The following APLF variants were observed in gnomAD, a reference collection of about 807,000 sequenced individuals.
APLF encodes the protein aprataxin and PNKP like factor, also known as aprataxin and PNK-like factor.
A neutral mutation model predicts 55.6 loss-of-function variants in APLF; 61 were observed. The ratio of observed to expected loss-of-function variants is 1.10; its 90% confidence interval spans 0.89 to 1.36. APLF has a LOEUF of 1.36. Ranked by LOEUF, APLF falls within the 40% of genes most tolerant of loss-of-function variation. The pLI, the probability that APLF is intolerant of heterozygous loss-of-function variation, is 0.00. For synonymous variants in APLF, 207 were observed against 214.8 expected, an observed-to-expected ratio of 0.96 and a Z score of 0.32; for missense variants, 611 against 602.5, an observed-to-expected ratio of 1.01 and a Z score of -0.15.
At chr2:68,504,798 A>C (rs1327668448) in intron 3 of APLF, among the ~76,000 whole-genome samples, 1 of 152,062 alleles carries the variant, frequency 6.6e-6, no homozygotes, top group Non-Finnish European at 1.5e-5. Context: ...AGCAAGCCAC[A>C]AAAGTGTCTA....
In APLF at chr2:68,578,282, A is replaced by AT. The variant is rs200770766; in HGVS notation, c.*266dup. ...CAGAGAAGGTAGAGTAAAAATGGAT[A>AT]TTTTTTATGTACTTTGTATATTGGT... On this transcript the variant is annotated 3_prime_UTR_variant, in exon 10 of 10. Transcript: ENST00000303795. The AT allele has an allele frequency of 0.013, 15,224 of 1,186,884 alleles. 151 individuals are homozygous for AT. Among genetic ancestry groups the AT allele is most frequent in the Admixed American group, 0.037 (865 of 23,558 alleles). 73.5% of individuals were successfully genotyped at this position (1,186,884 alleles called of 1,614,324 possible). A position where few individuals can be genotyped will look rare whatever the true frequency, so the allele number is the denominator to read the frequency against.
At chr2:68,565,311 G>A (rs535063053) in intron 8 of APLF, among the ~76,000 whole-genome samples, 2 of 152,076 alleles carry the variant, frequency 1.3e-5, no homozygotes, top group East Asian at 1.9e-4. Flanking sequence ...CAGGAAATTA[G>A]GATGGGCTCA....
intron 2 of APLF, among the ~76,000 whole-genome samples, chr2:68,501,581 G>A (rs760900479): frequency 5.3e-5 from 8 of 152,034 alleles, no homozygotes; most frequent in Non-Finnish European, 8.8e-5. Flanking sequence ...AATTTTTAAG[G>A]CACCTCATAA....
chr2:68,470,515 C>T (rs1385318413), intron 1 of APLF, among the ~76,000 whole-genome samples: 1 of 152,146 alleles, frequency 6.6e-6, no homozygotes, highest in Admixed American at 6.5e-5. Flanking sequence ...TATCTTTCAA[C>T]TACATGTGAA....
intron 5 of APLF, among the ~76,000 whole-genome samples, chr2:68,515,247 A>G (rs1669545766): frequency 6.6e-6 from 1 of 151,544 alleles, no homozygotes; most frequent in Admixed American, 6.6e-5. Context: ...TTATTCTACT[A>G]CAGTTGTTTT....
At chr2:68,571,566 T>G (rs921998455) in intron 9 of APLF, among the ~76,000 whole-genome samples, 14 of 152,218 alleles carry the variant, frequency 9.2e-5, no homozygotes, top group East Asian at 5.8e-4. Flanking sequence ...TTTCCCCATT[T>G]CTTGTTTTTC....
Position 68,579,063 on chromosome 2 carries a change from A to G in APLF, c.*1041A>G, listed in dbSNP as rs1000107075. The G allele has an allele frequency of 1.0e-6, 1 of 984,244 alleles. No homozygotes were observed. Among genetic ancestry groups the G allele is most frequent in the Non-Finnish European group, 1.2e-6 (1 of 828,864 alleles). The allele number at this position is 984,244 out of a possible 1,614,324, so 61.0% of individuals were successfully genotyped here. ...TGTGTACACAGAGCAGGAGATATTT[A>G]TTGAAATCATAAATCACTAAGCCAA... is the stretch of plus-strand genomic sequence containing the variant. On this transcript the variant is annotated 3_prime_UTR_variant, in exon 10 of 10. Coordinates refer to ENST00000303795, the MANE Select transcript of APLF (RefSeq NM_173545.3).
intron 1 of APLF, among the ~76,000 whole-genome samples, chr2:68,489,930 C>T (rs569621031): frequency 3.9e-5 from 6 of 152,276 alleles, no homozygotes; most frequent in African/African-American, 1.4e-4. Context: ...TGGAAACTAT[C>T]ATGCAAGGTT....
Position 68,472,163 on chromosome 2 carries a change from G to C in APLF, c.96+4336G>C, listed in dbSNP as rs138847354. ...TTATTTTGCAGAGCTCTCAGATAGC[G>C]GACTTCAGAGATAGCAGGTTGTAAA... is the stretch of plus-strand genomic sequence containing the variant. On this transcript the variant is annotated intron_variant, in intron 1 of 9. Coordinates refer to ENST00000303795, the MANE Select transcript of APLF (RefSeq NM_173545.3). Among the ~76,000 whole-genome samples, 995 of 152,236 alleles carry C rather than the reference G, an allele frequency of 6.5e-3. 7 individuals carry two copies. Among genetic ancestry groups the C allele is most frequent in the African/African-American group, 0.023 (947 of 41,528 alleles).
At chr2:68,488,735 G>T (rs192011657) in intron 1 of APLF, among the ~76,000 whole-genome samples, 45 of 152,084 alleles carry the variant, frequency 3.0e-4, no homozygotes, top group African/African-American at 8.7e-4. Flanking sequence ...TCTATGTAAA[G>T]TGTTAATAAT....
At position 68,538,141 on chromosome 2, in the gene APLF, T is replaced by A. The variant is rs755576698; in HGVS notation, c.1074T>A (p.His358Gln). The A allele has an allele frequency of 6.2e-7, 1 of 1,614,054 alleles. No individual in the cohort carries two copies. Among genetic ancestry groups the A allele is most frequent in the Non-Finnish European group, 8.5e-7 (1 of 1,179,950 alleles). The stretch of plus-strand genomic sequence containing the variant: ...ATCCCTCCAATCCTGAAACTTTGCA[T>A]GCAAAGGCAACTGATTCAGTTCTAC... ...SSNPSNPETL[H>Q]AKATDSVLQG... The change falls in exon 7 of 10, where the codon CAT (histidine) becomes CAA (glutamine). Residue 358 changes from histidine to glutamine, a missense_variant. By Grantham distance (24) the His-to-Gln change is conservative (BLOSUM62 0). Coordinates refer to ENST00000303795, the MANE Select transcript of APLF (RefSeq NM_173545.3).
chr2:68,515,637 C>T lies in APLF; in HGVS notation c.622+1957C>T, dbSNP rs959498482. 1.0e-5 allele frequency: 10 copies of T among 984,504 alleles called. No homozygotes were observed. The Admixed American group carries it at 1.9e-4, about 18-fold the overall frequency. The allele number at this position is 984,504 out of a possible 1,614,324, so 61.0% of individuals were successfully genotyped here. Reference sequence around the variant, plus strand: ...TTTTGGGCACTTCTCTTTGAAAATACGAATGAGAGTAATTTGACATTGGTC... The same window carrying T: ...TTTTGGGCACTTCTCTTTGAAAATATGAATGAGAGTAATTTGACATTGGTC... On this transcript the variant is annotated intron_variant, in intron 5 of 9. Coordinates refer to ENST00000303795, the MANE Select transcript of APLF (RefSeq NM_173545.3).
intron 7 of APLF, among the ~76,000 whole-genome samples, chr2:68,542,441 A>G (rs1400539004): frequency 6.7e-6 from 1 of 149,874 alleles, no homozygotes; most frequent in African/African-American, 2.5e-5. Flanking sequence ...ATAAAGAACT[A>G]TAACTAAACA....
chr2:68,470,536 T>C (rs763052923), intron 1 of APLF, among the ~76,000 whole-genome samples: 1 of 152,256 alleles, frequency 6.6e-6, no homozygotes, highest in Non-Finnish European at 1.5e-5. Flanking sequence ...TCTACCATTA[T>C]CTTAAGAAAT....
intron 8 of APLF, among the ~76,000 whole-genome samples, chr2:68,565,868 A>T (rs1016327947): frequency 1.3e-5 from 2 of 152,100 alleles, no homozygotes; most frequent in African/African-American, 4.8e-5. Context: ...GAGATATTTT[A>T]AGAATGTAGT....
chr2:68,488,337 T>C (rs1050043223), intron 1 of APLF, among the ~76,000 whole-genome samples: 2 of 150,666 alleles, frequency 1.3e-5, no homozygotes, highest in Non-Finnish European at 3.0e-5. Context: ...ATCTTTTTTT[T>C]TTTTTTTTTT....
At chr2:68,503,993 A>G (rs566168773) in intron 3 of APLF, among the ~76,000 whole-genome samples, 1 of 152,158 alleles carries the variant, frequency 6.6e-6, no homozygotes, top group African/African-American at 2.4e-5. Context: ...CAGTATCAAC[A>G]GTAGAAGAGG....
At chr2:68,553,421 C>G (rs557038520) in intron 8 of APLF, among the ~76,000 whole-genome samples, 103 of 151,270 alleles carry the variant, frequency 6.8e-4, no homozygotes, top group African/African-American at 2.4e-3. Context: ...TCAGTTTACT[C>G]TTTTAAAAAT....
chr2:68,543,820 G>A lies in APLF; in HGVS notation c.1161-1367G>A, dbSNP rs546487884. On this transcript the variant is annotated intron_variant, in intron 7 of 9. Coordinates refer to ENST00000303795, the MANE Select transcript of APLF (RefSeq NM_173545.3). ...GAATTAATCATATAAATATAAAAGG[G>A]CTGGTTCAAAGAAGTGCATACTAGT... Among the ~76,000 whole-genome samples the A allele has an allele frequency of 2.6e-5, 4 of 152,134 alleles. No homozygotes were observed. In the East Asian group the frequency reaches 5.8e-4, roughly 22 times the overall value.
Sources: allele counts gnomAD v4.1 joint callset (sites outside exome capture counted in the v4.1 genomes callset), GRCh38; gene constraint gnomAD v4.1.1; transcripts MANE v1.5; gene names NCBI Gene and HGNC (gene_info 2026-07-23, HGNC 2026-07-21).